The following CLIC5 variants were observed in gnomAD, a reference collection of about 807,000 sequenced individuals.
CLIC5 encodes CLIC family member 5, also known as chloride intracellular channel protein 5.
In CLIC5, 20 loss-of-function variants were observed where a neutral mutation model predicts 24.7. That is an observed-to-expected ratio of 0.81 (90% CI 0.57 to 1.18). CLIC5 has a LOEUF of 1.18. CLIC5 is among the 50% of genes most tolerant of loss of function. CLIC5 has a pLI of 0.00. For synonymous variants in CLIC5, 159 were observed against 135.6 expected (o/e 1.17, Z -1.20); for missense variants, 341 against 326.1 (o/e 1.05, Z -0.35).
chr6:45,887,323 T>C (rs1301105910), intron 6 of CLIC5, among the ~76,000 whole-genome samples: 1 of 152,178 alleles, frequency 6.6e-6, no homozygotes, highest in Non-Finnish European at 1.5e-5. Context: ...AGAATCCTTG[T>C]CTCTTCCCCC....
At chr6:45,928,656 A>AT (rs1327488948) in intron 4 of CLIC5, among the ~76,000 whole-genome samples, 13 of 152,254 alleles carry the variant, frequency 8.5e-5, no homozygotes, top group Admixed American at 3.9e-4. Context: ...CATGAATATA[A>AT]TTTTGCATGT....
chr6:45,914,229 T>C lies in CLIC5; in HGVS notation c.587A>G (p.Lys196Arg). The stretch of plus-strand genomic sequence containing the variant: ...CCCCTGTGGGTAGAGCTCTCTTACC[T>C]TGACCACATGGAGCTTGGGCAACAG... ...CNLLPKLHVVKIVAKKYRNYD... is the reference protein window; with the variant it reads ...CNLLPKLHVVRIVAKKYRNYD... Residue 196 changes from lysine to arginine, a missense_variant and splice_region_variant, in exon 5 of 6, where the codon AAG (lysine) becomes AGG (arginine). Physicochemically the swap from Lys to Arg is conservative, Grantham distance 26 (BLOSUM62 2). Transcript: ENST00000339561. 6.3e-7 allele frequency: 1 copy of C among 1,589,890 alleles called. No homozygotes were observed. Among genetic ancestry groups the C allele is most frequent in the Non-Finnish European group, 8.6e-7 (1 of 1,163,510 alleles).
intron 4 of CLIC5, among the ~76,000 whole-genome samples, chr6:45,917,067 C>T (rs1763060653): frequency 6.6e-6 from 1 of 152,152 alleles, no homozygotes; most frequent in South Asian, 2.1e-4. Flanking sequence ...TTTCCTGGGT[C>T]CCTTCCAAGC....
intron 5 of CLIC5, among the ~76,000 whole-genome samples, chr6:45,904,635 C>T (rs13197242): frequency 0.028 from 12 of 424 alleles, no homozygotes; most frequent in Non-Finnish European, 0.052. Flanking sequence ...CCCTCCCTCC[C>T]TCTTTTCTGT....
chr6:45,933,702 A>C (rs903248091), intron 4 of CLIC5, among the ~76,000 whole-genome samples: 1 of 152,222 alleles, frequency 6.6e-6, no homozygotes. Context: ...ATTCATCTTG[A>C]TGAAAATAGA....
the CLIC5 span, among the ~76,000 whole-genome samples, chr6:46,100,991 A>T: frequency 6.6e-6 from 1 of 152,182 alleles, no homozygotes; most frequent in South Asian, 2.1e-4. Context: ...ATGGGACAGG[A>T]CATACGACCT....
intron 1 of CLIC5, among the ~76,000 whole-genome samples, chr6:46,076,252 G>A (rs1762766514): frequency 6.6e-6 from 1 of 152,162 alleles, no homozygotes; most frequent in Non-Finnish European, 1.5e-5. Context: ...CTCACCCACT[G>A]CAGCCACACT....
At chr6:46,112,365 A>C in the CLIC5 span, among the ~76,000 whole-genome samples, 1 of 152,210 alleles carries the variant, frequency 6.6e-6, no homozygotes, top group Admixed American at 6.5e-5. Flanking sequence ...GTTTTATTAT[A>C]TAACAAGACC....
the CLIC5 span, among the ~76,000 whole-genome samples, chr6:46,089,245 G>T: frequency 6.6e-6 from 1 of 152,058 alleles, no homozygotes; most frequent in Non-Finnish European, 1.5e-5. Flanking sequence ...ACTGCATATT[G>T]TTTTAGCAAA....
At chr6:45,994,889 AG>A (rs1253831526) in intron 1 of CLIC5, among the ~76,000 whole-genome samples, 1 of 152,190 alleles carries the variant, frequency 6.6e-6, no homozygotes, top group African/African-American at 2.4e-5. Context: ...AAATAATTAA[AG>A]GGAACTAATA....
At chr6:45,909,312 C>G (rs941408950) in intron 5 of CLIC5, among the ~76,000 whole-genome samples, 2 of 152,064 alleles carry the variant, frequency 1.3e-5, no homozygotes, top group Non-Finnish European at 2.9e-5. Flanking sequence ...AGGTTTTGAT[C>G]TTTTCGTGAA....
chr6:45,951,944 G>A (rs775004783), intron 2 of CLIC5, among the ~76,000 whole-genome samples: 6 of 152,130 alleles, frequency 3.9e-5, no homozygotes, highest in Non-Finnish European at 7.3e-5. Flanking sequence ...CAACTGAGAC[G>A]GAAAGTATTT....
At chr6:46,120,291 C>T in the CLIC5 span, among the ~76,000 whole-genome samples, 1 of 152,218 alleles carries the variant, frequency 6.6e-6, no homozygotes, top group Non-Finnish European at 1.5e-5. Context: ...CGCTGTTCTG[C>T]AGCCTCCACT....
chr6:46,102,626 C>T, the CLIC5 span: 1 of 152,704 alleles, frequency 6.5e-6, no homozygotes, highest in Non-Finnish European at 1.5e-5. Context: ...TGTAATGTTT[C>T]CTGCTTCTGT....
At chr6:45,973,671 G>A (rs958369563) in intron 1 of CLIC5, among the ~76,000 whole-genome samples, 2 of 152,172 alleles carry the variant, frequency 1.3e-5, no homozygotes, top group Admixed American at 1.3e-4. Flanking sequence ...GGGCACAGTG[G>A]CCCATGCCTG....
chr6:46,040,376 A>G (rs1767773397), intron 1 of CLIC5, among the ~76,000 whole-genome samples: 1 of 152,128 alleles, frequency 6.6e-6, no homozygotes, highest in South Asian at 2.1e-4. Context: ...GGTGATGGGA[A>G]TGATGGTGGA....
chr6:45,986,946 A>G (rs1288317588), intron 1 of CLIC5, among the ~76,000 whole-genome samples: 1 of 152,222 alleles, frequency 6.6e-6, no homozygotes, highest in African/African-American at 2.4e-5. Flanking sequence ...CCAGGATAGC[A>G]TTAACCTGAG....
intron 6 of CLIC5, among the ~76,000 whole-genome samples, chr6:45,882,626 T>G (rs1440866522): frequency 1.3e-5 from 2 of 152,254 alleles, no homozygotes; most frequent in African/African-American, 2.4e-5. Context: ...AATAGTAAGA[T>G]ACGCATGTGT....
At chr6:45,889,321 C>G (rs1350577664) in intron 6 of CLIC5, among the ~76,000 whole-genome samples, 1 of 152,090 alleles carries the variant, frequency 6.6e-6, no homozygotes, top group East Asian at 1.9e-4. Flanking sequence ...GGGCATTAAT[C>G]CTATTCCTGA....
Sources: allele counts gnomAD v4.1 joint callset (sites outside exome capture counted in the v4.1 genomes callset), GRCh38; gene constraint gnomAD v4.1.1; transcripts MANE v1.5; gene names NCBI Gene and HGNC (gene_info 2026-07-23, HGNC 2026-07-21).